Variants in ZNF804B observed in about 807,000 individuals in gnomAD.
The protein encoded by ZNF804B is zinc finger 804B.
ZNF804B carries 80 observed loss-of-function variants against 101.4 expected under a neutral mutation model. The observed-to-expected ratio is 0.79, with a 90% CI of 0.66 to 0.95. The LOEUF (loss-of-function observed/expected upper bound fraction) is 0.95, where lower values mean the gene tolerates loss of function less well. Among genes scored for constraint, ZNF804B ranks in the 40% least tolerant of loss-of-function variants. ZNF804B has a pLI of 0.00. For synonymous variants in ZNF804B, 622 were observed against 558.8 expected (o/e 1.11, Z -1.59); for missense variants, 1,673 against 1,561.9 (o/e 1.07, Z -1.20).
intron 1 of ZNF804B, among the ~76,000 whole-genome samples, chr7:89,096,891 G>A (rs968154181): frequency 6.6e-6 from 1 of 152,154 alleles, no homozygotes; most frequent in Non-Finnish European, 1.5e-5. Context: ...GCACTTCGGT[G>A]AGCTGTAAAC....
At chr7:88,854,406 T>TCTTC (rs1554340131) in intron 1 of ZNF804B, among the ~76,000 whole-genome samples, 48 of 126,700 alleles carry the variant, frequency 3.8e-4, no homozygotes, top group South Asian at 1.0e-3. Context: ...TTTCTTTCTT[T>TCTTC]CTTTCTTCCT....
chr7:88,854,533 T>TTCCTTTCCTTCCTTC (rs796987599), intron 1 of ZNF804B, among the ~76,000 whole-genome samples: 1 of 78,196 alleles, frequency 1.3e-5, no homozygotes, highest in Non-Finnish European at 2.4e-5. Context: ...TTCCTTTCCT[T>TTCCTTTCCTTCCTTC]CCTTCCTTCC....
intron 1 of ZNF804B, among the ~76,000 whole-genome samples, chr7:88,806,181 A>T (rs983976621): frequency 5.3e-5 from 8 of 152,186 alleles, no homozygotes; most frequent in Admixed American, 6.5e-5. Flanking sequence ...CATTAATCAT[A>T]CAAGGTGAAT....
chr7:89,072,528 T>C (rs998896695), intron 1 of ZNF804B, among the ~76,000 whole-genome samples: 2 of 152,186 alleles, frequency 1.3e-5, no homozygotes, highest in Non-Finnish European at 2.9e-5. Flanking sequence ...GAGCTTTACC[T>C]GAAAGTTGGG....
At chr7:89,276,156 C>A (rs942966429) in intron 2 of ZNF804B, among the ~76,000 whole-genome samples, 11 of 151,742 alleles carry the variant, frequency 7.2e-5, no homozygotes. Context: ...ATAACACACA[C>A]TGTGGCCTGT....
intron 1 of ZNF804B, among the ~76,000 whole-genome samples, chr7:89,160,760 A>G (rs1259382580): frequency 6.6e-6 from 1 of 152,154 alleles, no homozygotes; most frequent in East Asian, 1.9e-4. Flanking sequence ...TTCTATAACT[A>G]CTAATCTGGC....
At chr7:89,171,298 C>CTTT (rs2116433962) in intron 1 of ZNF804B, among the ~76,000 whole-genome samples, 1 of 82,290 alleles carries the variant, frequency 1.2e-5, no homozygotes, top group East Asian at 4.1e-4. Context: ...GCTTCTTCTT[C>CTTT]TTCTTCTTCT....
chr7:88,915,285 T>C (rs1026926439), intron 1 of ZNF804B, among the ~76,000 whole-genome samples: 3 of 152,088 alleles, frequency 2.0e-5, no homozygotes, highest in African/African-American at 7.2e-5. Context: ...CCTTTCCTGA[T>C]TAATAATGTT....
At chr7:88,817,248 G>A (rs1790897826) in intron 1 of ZNF804B, among the ~76,000 whole-genome samples, 2 of 152,296 alleles carry the variant, frequency 1.3e-5, no homozygotes, top group African/African-American at 2.4e-5. Context: ...GGGGGATGGG[G>A]GAGGGATAGC....
At chr7:89,111,153 A>C (rs1790210093) in intron 1 of ZNF804B, among the ~76,000 whole-genome samples, 1 of 152,194 alleles carries the variant, frequency 6.6e-6, no homozygotes, top group South Asian at 2.1e-4. Context: ...GTTGCTTCCA[A>C]GTTTTGACAA....
chr7:88,765,684 C>T (rs10269723), intron 1 of ZNF804B, among the ~76,000 whole-genome samples: 3,437 of 152,090 alleles, frequency 0.023, 122 homozygotes, highest in African/African-American at 0.079. Flanking sequence ...TGGGTTATAA[C>T]AAATGTAGTT....
At chr7:89,059,022 TCTC>T (rs1317318954) in intron 1 of ZNF804B, among the ~76,000 whole-genome samples, 1 of 152,102 alleles carries the variant, frequency 6.6e-6, no homozygotes, top group Non-Finnish European at 1.5e-5. Flanking sequence ...GCTAAATAAT[TCTC>T]TTTTGGTCAA....
intron 2 of ZNF804B, among the ~76,000 whole-genome samples, chr7:89,260,514 C>A (rs903653306): frequency 6.6e-6 from 1 of 152,268 alleles, no homozygotes; most frequent in South Asian, 2.1e-4. Context: ...AAAGCTATTT[C>A]TATAATCATC....
At chr7:89,214,097 A>G (rs1187605765) in intron 1 of ZNF804B, among the ~76,000 whole-genome samples, 1 of 152,232 alleles carries the variant, frequency 6.6e-6, no homozygotes, top group African/African-American at 2.4e-5. Context: ...AACATTAATT[A>G]TAAAAAGTAA....
chr7:88,809,366 T>C (rs371195547), intron 1 of ZNF804B, among the ~76,000 whole-genome samples: 47 of 147,184 alleles, frequency 3.2e-4, no homozygotes, highest in African/African-American at 1.1e-3. Flanking sequence ...TACCTATCTA[T>C]CTACCTACCT....
chr7:88,964,370 A>C (rs1332743468), intron 1 of ZNF804B, among the ~76,000 whole-genome samples: 1 of 151,532 alleles, frequency 6.6e-6, no homozygotes, highest in Non-Finnish European at 1.5e-5. Context: ...TCTGATCTAT[A>C]ATACAACATG....
intron 1 of ZNF804B, among the ~76,000 whole-genome samples, chr7:88,942,865 C>T (rs891252758): frequency 6.6e-6 from 1 of 151,760 alleles, no homozygotes; most frequent in Non-Finnish European, 1.5e-5. Flanking sequence ...TCTTATGGCA[C>T]TGAATATAGC....
At chr7:89,323,348 C>T (rs1021607809) in intron 2 of ZNF804B, among the ~76,000 whole-genome samples, 1 of 152,170 alleles carries the variant, frequency 6.6e-6, no homozygotes, top group African/African-American at 2.4e-5. Flanking sequence ...AGACCAATAT[C>T]ACACATGAAC....
intron 1 of ZNF804B, among the ~76,000 whole-genome samples, chr7:88,922,410 A>G (rs1291992174): frequency 6.6e-6 from 1 of 152,022 alleles, no homozygotes; most frequent in Non-Finnish European, 1.5e-5. Flanking sequence ...TAAAGTTTAC[A>G]TTTGAATTTT....
Sources: allele counts gnomAD v4.1 joint callset (sites outside exome capture counted in the v4.1 genomes callset), GRCh38; gene constraint gnomAD v4.1.1; transcripts MANE v1.5; gene names NCBI Gene and HGNC (gene_info 2026-07-23, HGNC 2026-07-21).